The following EWSR1 variants were observed in gnomAD, a reference collection of about 807,000 sequenced individuals.
EWSR1 encodes the protein EWS RNA binding protein 1.
In EWSR1, 14 loss-of-function variants were observed where a neutral mutation model predicts 92.1. The observed-to-expected ratio is 0.15, with a 90% confidence interval of 0.10 to 0.24. EWSR1 has a LOEUF of 0.24. Ranked by LOEUF, EWSR1 falls within the 10% of genes least tolerant of loss-of-function variation. EWSR1 has a pLI of 1.00. For missense variants in EWSR1, 637 were observed against 870.9 expected, an observed-to-expected ratio of 0.73 and a Z score of 3.38; for synonymous variants, 303 against 292.9, an observed-to-expected ratio of 1.03 and a Z score of -0.35.
intron 4 of EWSR1, chr22:29,274,200 T>C: frequency 6.4e-7 from 1 of 1,555,612 alleles, no homozygotes; most frequent in Non-Finnish European, 8.9e-7. Context: ...AAAATCAAAC[T>C]GGTTTTCACA....
intron 12 of EWSR1, among the ~76,000 whole-genome samples, chr22:29,297,402 C>G (rs530485006): frequency 1.3e-5 from 2 of 152,278 alleles, no homozygotes; most frequent in Admixed American, 6.5e-5. Context: ...TAAGTATGGC[C>G]TTTTTCTGGC....
At chr22:29,284,659 ACT>A (rs1164094401) in intron 6 of EWSR1, among the ~76,000 whole-genome samples, 1 of 151,122 alleles carries the variant, frequency 6.6e-6, no homozygotes, top group Admixed American at 6.6e-5. Context: ...ACCGGGTCTC[ACT>A]CTGTTGTCCA....
chr22:29,296,184 T>C, intron 11 of EWSR1, 55 bp from the exon 12 acceptor site: 1 of 1,559,238 alleles, frequency 6.4e-7, no homozygotes. Context: ...CCTGGACTTT[T>C]TTCTCCCAAA....
At chr22:29,286,400 C>A (rs112308898) in intron 6 of EWSR1, among the ~76,000 whole-genome samples, 9 of 151,846 alleles carry the variant, frequency 5.9e-5, no homozygotes, top group African/African-American at 2.2e-4. Flanking sequence ...TAATATTTCC[C>A]CCTCCCAGCT....
chr22:29,287,121 C>T lies in EWSR1; in HGVS notation c.780C>T (p.Ser260=). 6.2e-7 allele frequency: 1 copy of T among 1,614,084 alleles called. No individual in the cohort carries two copies. Among genetic ancestry groups the T allele is most frequent in the Non-Finnish European group, 8.5e-7 (1 of 1,179,958 alleles). ...GTCAATATAGCCAACAGAGCAGCAG[C>T]TACGGGCAGCAGAGTGAGTTGCTAA... ...APSQYSQQSS[S]YGQQSSFRQD... is the part of the protein sequence containing the mutation. Residue 260 remains serine (S), a synonymous_variant, in exon 7 of 17, where the codon AGC becomes AGT. Coordinates refer to ENST00000397938, the MANE Select transcript of EWSR1 (RefSeq NM_005243.4).
intron 11 of EWSR1, chr22:29,295,435 C>G (rs920979312): frequency 4.8e-6 from 1 of 209,960 alleles, no homozygotes; most frequent in African/African-American, 2.3e-5. Flanking sequence ...TGAGACCAGC[C>G]TGGACAACAG....
intron 11 of EWSR1, among the ~76,000 whole-genome samples, chr22:29,294,250 A>C (rs187999180): frequency 2.0e-5 from 3 of 152,222 alleles, no homozygotes; most frequent in Middle Eastern, 3.4e-3. Flanking sequence ...TTTATTTTCA[A>C]GTTGCTGTGG....
chr22:29,295,107 C>A (rs2060750820), intron 11 of EWSR1, among the ~76,000 whole-genome samples: 1 of 151,432 alleles, frequency 6.6e-6, no homozygotes, highest in East Asian at 2.0e-4. Context: ...GCTCTGTTGC[C>A]CAGACTGGAG....
intron 12 of EWSR1, 41 bp from the exon 13 acceptor site, chr22:29,297,786 G>T (rs117679903): frequency 6.2e-7 from 1 of 1,609,696 alleles, no homozygotes; most frequent in South Asian, 1.1e-5. Flanking sequence ...GGTGAACAGG[G>T]AGTACAGGGG....
intron 11 of EWSR1, 84 bp from the exon 12 acceptor site, chr22:29,296,155 G>T: frequency 7.2e-7 from 1 of 1,390,056 alleles, no homozygotes; most frequent in Non-Finnish European, 9.8e-7. Context: ...TGAGAAATTG[G>T]TACTTTTCCT....
intron 5 of EWSR1, among the ~76,000 whole-genome samples, chr22:29,279,809 A>G (rs2059418133): frequency 6.6e-6 from 1 of 152,212 alleles, no homozygotes; most frequent in South Asian, 2.1e-4. Flanking sequence ...CTTATTCCTG[A>G]AAGGCCTCAT....
At chr22:29,292,781 T>A (rs1164644277) in intron 11 of EWSR1, among the ~76,000 whole-genome samples, 175 bp downstream of exon 11, 1 of 90,520 alleles carries the variant, frequency 1.1e-5, no homozygotes, top group Non-Finnish European at 2.4e-5. Context: ...TTTTTTTTTT[T>A]GAGACGGAGT....
At chr22:29,269,643 C>T (rs919207181) in intron 1 of EWSR1, 6 of 152,190 alleles carry the variant, frequency 3.9e-5, no homozygotes, top group Admixed American at 2.0e-4. Context: ...GAATTCTCCC[C>T]ATCTGTGGTC....
Position 29,283,695 on chromosome 22 carries a change from T to A in EWSR1, c.581+1138T>A, listed in dbSNP as rs559798767. Among the ~76,000 whole-genome samples the A allele has an allele frequency of 6.2e-3, 300 of 48,312 alleles. 15 individuals carry two copies. Among genetic ancestry groups the A allele is most frequent in the African/African-American group, 0.018 (268 of 15,094 alleles). 31.7% of individuals were successfully genotyped at this position (48,312 alleles called of 152,430 possible). A position where few individuals can be genotyped will look rare whatever the true frequency, so the allele number is the denominator to read the frequency against. On this transcript the variant is annotated intron_variant, in intron 6 of 16. Coordinates refer to ENST00000397938, the MANE Select transcript of EWSR1 (RefSeq NM_005243.4). ...TGCTCACTACCACACCTGGCAAAAA[T>A]TTTTTTTTTTGTATTTTTAGTAGAG...
At chr22:29,295,003 C>G (rs2147678811) in intron 11 of EWSR1, among the ~76,000 whole-genome samples, 1 of 152,052 alleles carries the variant, frequency 6.6e-6, no homozygotes, top group East Asian at 1.9e-4. Flanking sequence ...AGATATCACA[C>G]ACACCTCAAA....
rs1177050720 is a variant in EWSR1, at chr22:29,272,374, T to C, written c.51-6T>C. 4 of 1,613,968 alleles carry C rather than the reference T, an allele frequency of 2.5e-6. No homozygotes were observed. Among genetic ancestry groups the C allele is most frequent in the African/African-American group, 1.3e-5 (1 of 75,058 alleles). On this transcript the variant is annotated splice_region_variant and splice_polypyrimidine_tract_variant and intron_variant, in intron 2 of 16. Transcript: ENST00000397938. Reference sequence around the variant, plus strand: ...ATTCAAGTTATTGCATTTAATTCTTTTGCAGCTACAGTGCTTACACCGCCC... The same window carrying C: ...ATTCAAGTTATTGCATTTAATTCTTCTGCAGCTACAGTGCTTACACCGCCC...
In EWSR1 at chr22:29,291,610, G is replaced by T. The variant is rs1286400697; in HGVS notation, c.1012+11G>T. ...TCAATAAGCCTGGTGGTAAGTTTTT[G>T]AGTATTACCATAGATAGTGTTTAAA... On this transcript the variant is annotated intron_variant, in intron 9 of 16. Coordinates refer to ENST00000397938, the MANE Select transcript of EWSR1 (RefSeq NM_005243.4). The T allele has an allele frequency of 6.2e-7, 1 of 1,612,118 alleles. No homozygotes were observed. Among genetic ancestry groups the T allele is most frequent in the Non-Finnish European group, 8.5e-7 (1 of 1,178,970 alleles).
chr22:29,290,861 C>T (rs2060389534), intron 8 of EWSR1: 1 of 270,598 alleles, frequency 3.7e-6, no homozygotes, highest in African/African-American at 2.2e-5. Context: ...CCCAAAAAGT[C>T]CAATTCATAT....
chr22:29,291,260 G>A, intron 8 of EWSR1: 1 of 351,450 alleles, frequency 2.8e-6, no homozygotes, highest in Non-Finnish European at 5.1e-6. Flanking sequence ...TTTTTCACCT[G>A]ACGGGGTGGG....
Sources: allele counts gnomAD v4.1 joint callset (sites outside exome capture counted in the v4.1 genomes callset), GRCh38; gene constraint gnomAD v4.1.1; transcripts MANE v1.5; gene names NCBI Gene and HGNC (gene_info 2026-07-23, HGNC 2026-07-21).